The following RTTN variants were observed in gnomAD, a reference collection of about 807,000 sequenced individuals.
RTTN encodes rotatin.
In RTTN, 182 loss-of-function variants were observed where a neutral mutation model predicts 269.2. The ratio of observed to expected loss-of-function variants is 0.68; its 90% CI spans 0.60 to 0.76. The LOEUF is 0.76. RTTN is among the 30% of genes least tolerant of loss of function. RTTN has a pLI of 0.00. For missense variants in RTTN, 2,545 were observed against 2,608.6 expected (o/e 0.98, Z 0.53); for synonymous variants, 1,006 against 963.5 (o/e 1.04, Z -0.82).
intron 12 of RTTN, among the ~76,000 whole-genome samples, chr18:70,167,946 A>C (rs1028283368): frequency 6.6e-6 from 1 of 152,118 alleles, no homozygotes; most frequent in African/African-American, 2.4e-5. Flanking sequence ...CAGGAGTTCA[A>C]GACCAGCCTG....
At chr18:70,170,819 T>G (rs2061121858) in intron 11 of RTTN, among the ~76,000 whole-genome samples, 1 of 152,174 alleles carries the variant, frequency 6.6e-6, no homozygotes. Flanking sequence ...TGGGCTTAAC[T>G]CAGGTATTCA....
Position 70,017,501 on chromosome 18 carries a change from G to A in RTTN, c.6327C>T (p.Ser2109=). ...DGCLDLLTEM[S]KYKHKSSPLL... ...AAGGGCTGCTCTTGTGCTTGTATTT[G>A]CTCATCTCTGTTAGTAAGTCTAGAC... Residue 2109 remains serine, a synonymous_variant, in exon 46 of 49, where the codon AGC becomes AGT. Transcript: ENST00000640769. 6.2e-7 allele frequency: 1 copy of A among 1,613,968 alleles called. No individual in the cohort carries two copies. The highest frequency in any genetic ancestry group is 8.5e-7 in the Non-Finnish European group (1 of 1,179,916).
intron 6 of RTTN, among the ~76,000 whole-genome samples, chr18:70,197,139 C>A (rs2061829876): frequency 6.6e-6 from 1 of 152,110 alleles, no homozygotes; most frequent in South Asian, 2.1e-4. Flanking sequence ...AATGCTGAGC[C>A]ATTACTGGCT....
chr18:70,009,744 T>G (rs2056312302), intron 46 of RTTN, among the ~76,000 whole-genome samples: 1 of 152,112 alleles, frequency 6.6e-6, no homozygotes, highest in Admixed American at 6.6e-5. Flanking sequence ...TAACCTTAAA[T>G]GTAAACGGGC....
chr18:70,044,316 A>G lies in RTTN; in HGVS notation c.5541+3655T>C, dbSNP rs369234005. Among the ~76,000 whole-genome samples the G allele has an allele frequency of 8.5e-5, 13 of 152,376 alleles. No homozygotes were observed. In the East Asian group the frequency reaches 2.1e-3, roughly 25 times the overall value. On this transcript the variant is annotated intron_variant, in intron 40 of 48. Transcript: ENST00000640769. The stretch of plus-strand genomic sequence containing the variant: ...ATTTGCATTACTACTTTTAGATATC[A>G]GATCAAATATAAGGAGCAAAATTAA...
intron 10 of RTTN, among the ~76,000 whole-genome samples, chr18:70,184,679 C>A (rs2061492392): frequency 7.0e-6 from 1 of 142,198 alleles, no homozygotes; most frequent in Non-Finnish European, 1.5e-5. Flanking sequence ...AAATTCAACT[C>A]AATTCCATTC....
Position 70,003,361 on chromosome 18 carries a change from A to C in RTTN, c.*790T>G, listed in dbSNP as rs1219893160. The C allele has an allele frequency of 1.3e-5, 2 of 151,758 alleles. No homozygotes were observed. The highest frequency in any genetic ancestry group is 2.9e-5 in the Non-Finnish European group (2 of 67,952). 9.4% of individuals were successfully genotyped at this position (151,758 alleles called of 1,614,324 possible). A position where few individuals can be genotyped will look rare whatever the true frequency, so the allele number is the denominator to read the frequency against. On this transcript the variant is annotated 3_prime_UTR_variant, in exon 49 of 49. Coordinates refer to ENST00000640769, the MANE Select transcript of RTTN (RefSeq NM_173630.4). ...GCCATCTTCTGCATTTTTCAGTCTT[A>C]CTCTATTCTTCATGATGTTTTGGGC... is the stretch of plus-strand genomic sequence containing the variant.
chr18:70,008,901 A>C (rs2056281977), intron 46 of RTTN: 1 of 152,168 alleles, frequency 6.6e-6, no homozygotes, highest in African/African-American at 2.4e-5. Context: ...CAAATTCAGG[A>C]AATACAGAGA....
At chr18:70,010,330 C>A (rs1159587601) in intron 46 of RTTN, among the ~76,000 whole-genome samples, 2 of 152,124 alleles carry the variant, frequency 1.3e-5, no homozygotes, top group Non-Finnish European at 1.5e-5. Context: ...TGACCACATA[C>A]TTGGAAGTAA....
At chr18:70,192,109 T>A (rs1427350675) in intron 8 of RTTN, among the ~76,000 whole-genome samples, 1 of 152,196 alleles carries the variant, frequency 6.6e-6, no homozygotes, top group Admixed American at 6.5e-5. Context: ...ATAATATCAA[T>A]CCTATTCTAG....
At chr18:70,161,798 A>G (rs906832033) in intron 14 of RTTN, among the ~76,000 whole-genome samples, 3 of 152,240 alleles carry the variant, frequency 2.0e-5, no homozygotes, top group African/African-American at 7.2e-5. Flanking sequence ...ACAATGAGAT[A>G]TCATCTCATA....
intron 14 of RTTN, among the ~76,000 whole-genome samples, chr18:70,151,681 T>C (rs776546481): frequency 2.6e-5 from 4 of 152,146 alleles, no homozygotes; most frequent in South Asian, 4.1e-4. Context: ...CCCTAAACAA[T>C]AGCTGTCACC....
intron 14 of RTTN, among the ~76,000 whole-genome samples, chr18:70,164,548 A>G (rs1371529809): frequency 4.6e-5 from 2 of 43,846 alleles, no homozygotes; most frequent in Non-Finnish European, 2.6e-4. Flanking sequence ...ACATATCACC[A>G]TCAAAAAAAG....
chr18:70,121,452 G>A, intron 26 of RTTN, 104 bp downstream of exon 26: 1 of 971,386 alleles, frequency 1.0e-6, no homozygotes, highest in Non-Finnish European at 1.5e-6. Flanking sequence ...ACTTTACCAA[G>A]CATAGACAAT....
At chr18:70,152,761 C>T (rs939116929) in intron 14 of RTTN, among the ~76,000 whole-genome samples, 1 of 152,128 alleles carries the variant, frequency 6.6e-6, no homozygotes, top group African/African-American at 2.4e-5. Context: ...CTCTTCATCT[C>T]CACTACACCA....
intron 35 of RTTN, among the ~76,000 whole-genome samples, chr18:70,060,992 T>C (rs796768942): frequency 2.5e-4 from 38 of 152,272 alleles, no homozygotes; most frequent in African/African-American, 8.7e-4. Context: ...CTTTATCCAT[T>C]CATTTGCTGA....
intron 12 of RTTN, among the ~76,000 whole-genome samples, 170 bp downstream of exon 12, chr18:70,168,685 T>C (rs1392267730): frequency 6.6e-6 from 1 of 152,168 alleles, no homozygotes; most frequent in Non-Finnish European, 1.5e-5. Flanking sequence ...ATACAAATCA[T>C]ATCCTTACTT....
chr18:70,127,996 T>C, intron 24 of RTTN: 2 of 469,190 alleles, frequency 4.3e-6, no homozygotes, highest in South Asian at 5.4e-5. Context: ...ATTAGAATAT[T>C]AAGATATTCA....
At chr18:70,187,465 T>A (rs749883771) in intron 10 of RTTN, among the ~76,000 whole-genome samples, 63 of 152,070 alleles carry the variant, frequency 4.1e-4, no homozygotes, top group Non-Finnish European at 8.1e-4. Context: ...GAGAGAGGCA[T>A]CTCTGAGCTA....
Sources: gnomAD v4.1 joint callset for allele counts (sites outside exome capture counted in the v4.1 genomes callset) on GRCh38, gnomAD v4.1.1 for gene constraint, MANE v1.5 for transcripts, NCBI Gene and HGNC (gene_info 2026-07-23, HGNC 2026-07-21) for gene names.